The following PCDHA10 variants were observed in gnomAD, a reference collection of about 807,000 sequenced individuals.
PCDHA10 encodes the protein protocadherin alpha 10, also known as protocadherin alpha-10.
Under a neutral mutation model 61.2 loss-of-function variants are expected in PCDHA10, and 45 were observed. The observed-to-expected ratio is 0.74, with a 90% CI of 0.58 to 0.94. The LOEUF is 0.94. Among genes scored for constraint, PCDHA10 ranks in the 40% least tolerant of loss-of-function variants. The pLI, the probability that PCDHA10 is intolerant of heterozygous loss-of-function variation, is 0.00. For synonymous variants in PCDHA10, 602 were observed against 548.8 expected (o/e 1.10, Z -1.35); for missense variants, 1,278 against 1,236.2 (o/e 1.03, Z -0.51).
In PCDHA10 at chr5:140,857,579, G is replaced by A. The variant is rs782552455; in HGVS notation, c.1531G>A (p.Ala511Thr). 3.1e-6 allele frequency: 5 copies of A among 1,596,586 alleles called. No individual in the cohort carries two copies. The highest frequency in any genetic ancestry group is 2.2e-5 in the East Asian group (1 of 44,842). ...GCTGTCGAGCTACGTGTCGGTGCACGCGGAGAGCGGCAAGGTGTACGCGCT... is the reference window on the plus strand; with the variant it reads ...GCTGTCGAGCTACGTGTCGGTGCACACGGAGAGCGGCAAGGTGTACGCGCT... ...RSLSSYVSVH[A>T]ESGKVYALQP... is the part of the protein sequence containing the mutation. Residue 511 changes from alanine to threonine, a missense_variant, in exon 1 of 4, where the codon GCG becomes ACG. By Grantham distance (58) the Ala-to-Thr change is moderately conservative. Coordinates refer to ENST00000307360, the MANE Select transcript of PCDHA10 (RefSeq NM_018901.4).
At chr5:141,006,305 G>A (rs548520638) in intron 3 of PCDHA10, among the ~76,000 whole-genome samples, 25 of 151,934 alleles carry the variant, frequency 1.6e-4, no homozygotes, top group Admixed American at 5.2e-4. Context: ...TCCACTTCCC[G>A]GGTTCATGCC....
rs1422050863 is a variant in PCDHA10 at position 140,908,165 on chromosome 5, G to A, written c.2388+49729G>A. ...GTATGTCCTAGGAAGGGGCTGTAGT[G>A]CTGCAGCTGTCCACTTTCAGGTGGT... On this transcript the variant is annotated intron_variant, in intron 1 of 3. Coordinates refer to ENST00000307360, the MANE Select transcript of PCDHA10 (RefSeq NM_018901.4). 2.6e-5 allele frequency among the ~76,000 whole-genome samples: 4 copies of A among 152,222 alleles called. 1 individual carries two copies. The highest frequency in any genetic ancestry group is 5.9e-5 in the Non-Finnish European group (4 of 68,046).
chr5:140,986,826 A>G (rs902801115), intron 3 of PCDHA10, among the ~76,000 whole-genome samples: 1 of 152,178 alleles, frequency 6.6e-6, no homozygotes, highest in Non-Finnish European at 1.5e-5. Flanking sequence ...GGTTTAGACA[A>G]TGGTTCTCAA....
chr5:140,863,001 C>A, intron 1 of PCDHA10: 1 of 550,202 alleles, frequency 1.8e-6, no homozygotes, highest in South Asian at 1.4e-5. Context: ...ACGGTGGACT[C>A]CAGCTATGAC....
chr5:140,862,833 G>A (rs868966696), intron 1 of PCDHA10: 1 of 575,582 alleles, frequency 1.7e-6, no homozygotes, highest in Non-Finnish European at 3.3e-6. Flanking sequence ...CGCGCGACGC[G>A]GGCATGCCGC....
At chr5:140,916,933 A>G (rs1554197692) in intron 1 of PCDHA10, among the ~76,000 whole-genome samples, 3 of 152,162 alleles carry the variant, frequency 2.0e-5, no homozygotes, top group Non-Finnish European at 4.4e-5. Context: ...ACTTAAGCAT[A>G]TAGTGGTGAG....
At chr5:140,919,254 T>A (rs1554198989) in intron 1 of PCDHA10, among the ~76,000 whole-genome samples, 1 of 152,266 alleles carries the variant, frequency 6.6e-6, no homozygotes. Context: ...CTGTTTTGTC[T>A]GATATTAGTG....
Position 140,979,220 on chromosome 5 carries a change from C to T in PCDHA10, c.2447+213C>T, listed in dbSNP as rs552719327. ...TATCAAGTGCTGGCATATAAGAGTC[C>T]TCTGTAAAATCACAGAAACAGGCTG... On this transcript the variant is annotated intron_variant, in intron 2 of 3. Transcript: ENST00000307360. Among the ~76,000 whole-genome samples, 27 of 152,304 alleles carry T rather than the reference C, an allele frequency of 1.8e-4. 1 individual carries two copies. The highest frequency in any genetic ancestry group is 6.3e-4 in the African/African-American group (26 of 41,574).
At chr5:140,982,367 G>A in intron 2 of PCDHA10, 108 bp from the exon 3 acceptor site, 1 of 1,544,446 alleles carries the variant, frequency 6.5e-7, no homozygotes, top group Non-Finnish European at 8.7e-7. Context: ...AGCAGAATGT[G>A]TTAGCTGCAG....
At chr5:141,000,410 TATATATATATA>T (rs1554257433) in intron 3 of PCDHA10, among the ~76,000 whole-genome samples, 1 of 101,972 alleles carries the variant, frequency 9.8e-6, no homozygotes, top group Non-Finnish European at 2.0e-5. Context: ...TATATATATA[TATATATATATA>T]TTTTTTTTTT....
At chr5:140,866,557 A>G (rs1554160392) in intron 1 of PCDHA10, 1 of 152,136 alleles carries the variant, frequency 6.6e-6, no homozygotes, top group Non-Finnish European at 1.5e-5. Context: ...TAAATCCTAT[A>G]ATTTTGTTAA....
intron 1 of PCDHA10, chr5:140,882,841 A>G: frequency 6.2e-7 from 1 of 1,614,232 alleles, no homozygotes; most frequent in East Asian, 2.2e-5. Flanking sequence ...AAATGTCTTC[A>G]TTATCACTTG....
rs2098416049 is a variant in PCDHA10, at chr5:141,010,101, T to G, written c.*164T>G. The G allele has an allele frequency of 6.2e-6, 10 of 1,612,488 alleles. No homozygotes were observed. Among genetic ancestry groups the G allele is most frequent in the Non-Finnish European group, 8.5e-6 (10 of 1,179,154 alleles). ...GTCTGTCTAGAACGCATTTAACAGG[T>G]TTTGTCGTAAAAGCTTTACTAAGTC... On this transcript the variant is annotated 3_prime_UTR_variant, in exon 4 of 4. Transcript: ENST00000307360.
chr5:140,987,898 A>T (rs1394668777), intron 3 of PCDHA10, among the ~76,000 whole-genome samples: 1 of 152,092 alleles, frequency 6.6e-6, no homozygotes, highest in Non-Finnish European at 1.5e-5. Context: ...CCCTAGTTTT[A>T]TATGGGGATT....
intron 1 of PCDHA10, among the ~76,000 whole-genome samples, chr5:140,960,361 T>C (rs1262686301): frequency 2.6e-5 from 4 of 152,194 alleles, no homozygotes; most frequent in Non-Finnish European, 4.4e-5. Context: ...TGAAATAATA[T>C]GCCAACTCTT....
At chr5:140,901,137 A>T (rs2068464747) in intron 1 of PCDHA10, among the ~76,000 whole-genome samples, 1 of 151,974 alleles carries the variant, frequency 6.6e-6, no homozygotes, top group South Asian at 2.1e-4. Flanking sequence ...TAGATTGTAA[A>T]TATTTTCTCT....
At chr5:140,870,686 A>G (rs2052295402) in intron 1 of PCDHA10, 2 of 1,612,732 alleles carry the variant, frequency 1.2e-6, no homozygotes, top group African/African-American at 2.7e-5. Flanking sequence ...GAGGAGCTGG[A>G]GCTGCTACAG....
intron 1 of PCDHA10, among the ~76,000 whole-genome samples, chr5:140,950,183 GA>G (rs879992336): frequency 5.9e-5 from 9 of 151,666 alleles, no homozygotes; most frequent in African/African-American, 1.7e-4. Context: ...AATTAAGAAG[GA>G]AAAAAATAGT....
Position 140,858,035 on chromosome 5 carries a change from A to T in PCDHA10, c.1987A>T (p.Thr663Ser). 1 of 1,597,220 alleles carries T rather than the reference A, an allele frequency of 6.3e-7. No individual in the cohort carries two copies. Among genetic ancestry groups the T allele is most frequent in the East Asian group, 2.2e-5 (1 of 44,818 alleles). Reference protein sequence around the residue: ...HGEPSLTATATVLVSLVEGSQ... With the variant: ...HGEPSLTATASVLVSLVEGSQ... ...CGAGCCGTCGCTGACGGCCACGGCC[A>T]CTGTGCTTGTGTCGCTTGTGGAGGG... Residue 663 changes from threonine to serine, a missense_variant, in exon 1 of 4, where the codon ACT becomes TCT. Thr to Ser is a moderately conservative substitution (Grantham distance 58). Transcript: ENST00000307360.
Sources: allele counts gnomAD v4.1 joint callset (sites outside exome capture counted in the v4.1 genomes callset), GRCh38; gene constraint gnomAD v4.1.1; transcripts MANE v1.5; gene names NCBI Gene and HGNC (gene_info 2026-07-23, HGNC 2026-07-21).